Variants in DENND2B observed in about 807,000 individuals in gnomAD.
DENND2B encodes the protein DENN domain-containing protein 2B.
In DENND2B, 32 loss-of-function variants were observed where a neutral mutation model predicts 116.0. The ratio of observed to expected loss-of-function variants is 0.28; its 90% confidence interval spans 0.21 to 0.37. The LOEUF is 0.37. Ranked by LOEUF, DENND2B falls within the 10% of genes least tolerant of loss-of-function variation. The pLI is 1.00. For missense variants in DENND2B, 1,276 were observed against 1,477.7 expected (o/e 0.86, Z 2.24); for synonymous variants, 588 against 583.9 (o/e 1.01, Z -0.10).
At chr11:8,748,338 G>C (rs1475306114) in intron 2 of DENND2B, among the ~76,000 whole-genome samples, 1 of 152,212 alleles carries the variant, frequency 6.6e-6, no homozygotes, top group Non-Finnish European at 1.5e-5. Flanking sequence ...TGGAGAAAGA[G>C]AATGGATCAT....
At chr11:8,870,303 G>A (rs2063731477) in intron 2 of DENND2B, among the ~76,000 whole-genome samples, 2 of 152,164 alleles carry the variant, frequency 1.3e-5, no homozygotes, top group African/African-American at 4.8e-5. Flanking sequence ...ATTGTCTCTT[G>A]AACTCTACTC....
At chr11:8,833,504 T>C (rs1402066652) in intron 4 of DENND2B, among the ~76,000 whole-genome samples, 1 of 152,154 alleles carries the variant, frequency 6.6e-6, no homozygotes, top group Non-Finnish European at 1.5e-5. Context: ...CCTTAATCAG[T>C]TGCTAGCATT....
upstream of DENND2B, chr11:8,811,452 A>G (rs2061369578): frequency 2.5e-6 from 1 of 394,824 alleles, no homozygotes; most frequent in African/African-American, 2.1e-5. Context: ...CTGCCCTGCT[A>G]AGGATCTGCA....
intron 2 of DENND2B, 24 bp downstream of exon 2, chr11:8,750,597 T>C: frequency 6.2e-7 from 1 of 1,605,740 alleles, no homozygotes; most frequent in Non-Finnish European, 8.5e-7. Flanking sequence ...TGATGCCACC[T>C]CCCACAAGTG....
At chr11:8,834,906 C>T (rs1431345978) in intron 4 of DENND2B, among the ~76,000 whole-genome samples, 3 of 152,122 alleles carry the variant, frequency 2.0e-5, no homozygotes, top group African/African-American at 7.2e-5. Flanking sequence ...CAAAACAATA[C>T]CTCTGTAAAT....
At chr11:8,738,555 T>G (rs987139888) in intron 2 of DENND2B, among the ~76,000 whole-genome samples, 4 of 152,182 alleles carry the variant, frequency 2.6e-5, no homozygotes, top group African/African-American at 9.7e-5. Flanking sequence ...GACTATGTCC[T>G]ATCAATTCTA....
chr11:8,734,931 G>A (rs2048745867), intron 2 of DENND2B, among the ~76,000 whole-genome samples: 1 of 149,726 alleles, frequency 6.7e-6, no homozygotes, highest in Non-Finnish European at 1.5e-5. Flanking sequence ...ACAAGGGGCT[G>A]GCTCTTCAGA....
At chr11:8,828,105 A>G (rs1221832008) in intron 4 of DENND2B, among the ~76,000 whole-genome samples, 1 of 152,180 alleles carries the variant, frequency 6.6e-6, no homozygotes, top group African/African-American at 2.4e-5. Flanking sequence ...AACTAAGAGC[A>G]CCATGAAGTT....
intron 4 of DENND2B, among the ~76,000 whole-genome samples, chr11:8,837,339 C>T (rs1337127869): frequency 1.3e-5 from 2 of 150,260 alleles, no homozygotes. Flanking sequence ...GACACCTACT[C>T]AGTTGTTTCC....
chr11:8,756,978 C>T (rs2053718661), intron 1 of DENND2B: 1 of 453,976 alleles, frequency 2.2e-6, no homozygotes, highest in African/African-American at 2.0e-5. Context: ...CTCAAAAACA[C>T]AGCTCTGACA....
chr11:8,750,263 C>T (rs777970271), intron 2 of DENND2B, among the ~76,000 whole-genome samples: 4 of 152,152 alleles, frequency 2.6e-5, no homozygotes, highest in Non-Finnish European at 5.9e-5. Context: ...CCTCTCTACC[C>T]TTAGCCCAAT....
chr11:8,878,894 T>C (rs998142808), intron 2 of DENND2B, among the ~76,000 whole-genome samples: 3 of 152,014 alleles, frequency 2.0e-5, no homozygotes, highest in Admixed American at 6.5e-5. Flanking sequence ...GAGAAAGAAA[T>C]GGGAGGTAAC....
intron 3 of DENND2B, among the ~76,000 whole-genome samples, chr11:8,847,425 C>A (rs1263748581): frequency 6.6e-6 from 1 of 152,062 alleles, no homozygotes; most frequent in East Asian, 1.9e-4. Flanking sequence ...AAAGTGGGAT[C>A]TCAATAGTAT....
At chr11:8,727,066 T>C (rs2047196176) in intron 3 of DENND2B, among the ~76,000 whole-genome samples, 1 of 152,046 alleles carries the variant, frequency 6.6e-6, no homozygotes, top group African/African-American at 2.4e-5. Context: ...TCTCTGCCCC[T>C]CTCCTTCATG....
At chr11:8,792,713 T>C (rs538718310) in intron 1 of DENND2B, among the ~76,000 whole-genome samples, 6 of 152,082 alleles carry the variant, frequency 3.9e-5, no homozygotes, top group Admixed American at 6.6e-5. Flanking sequence ...CTAAATAAAG[T>C]AACAATAAGA....
At position 8,712,730 on chromosome 11, in the gene DENND2B, T is replaced by A. The variant is rs932925333; in HGVS notation, c.1993A>T (p.Thr665Ser). 5 of 1,609,712 alleles carry A rather than the reference T, an allele frequency of 3.1e-6. No homozygotes were observed. In the South Asian group the frequency reaches 5.5e-5, roughly 18 times the overall value. ...SDSDDRFKAH[T>S]QRLVHIQSML... ...GACTGGATGTGGACCAGGCGCTGTG[T>A]GTGGGCTGGAGGCAGGTTGCACATC... Residue 665 changes from threonine (T) to serine (S), a missense_variant, in exon 9 of 20, where the codon ACA becomes TCA. Transcript: ENST00000313726. The surrounding 1 kb of genome is among the most constrained non-coding windows in gnomAD (Gnocchi z 4.4).
rs1394268151 is a variant in DENND2B at position 8,836,444 on chromosome 11, C to T, written c.-115+2866G>A. Among the ~76,000 whole-genome samples the T allele has an allele frequency of 1.8e-4, 21 of 118,386 alleles. No homozygotes were observed. The East Asian group carries it at 3.2e-3, about 18-fold the overall frequency. The allele number at this position is 118,386 out of a possible 152,430, so 77.7% of individuals were successfully genotyped here. A position where few individuals can be genotyped will look rare whatever the true frequency, so the allele number is the denominator to read the frequency against. On this transcript the variant is annotated intron_variant, in intron 4 of 6. Coordinates refer to the DENND2B transcript ENST00000524757. Reference sequence around the variant, plus strand: ...TTTTTTTTTTTTTTTTTTTCTGAGACGGAGTCTTGCTCTGTCGCCCAGGCT... The same window carrying T: ...TTTTTTTTTTTTTTTTTTTCTGAGATGGAGTCTTGCTCTGTCGCCCAGGCT...
chr11:8,695,495 T>G lies in DENND2B; in HGVS notation c.3347A>C (p.Gln1116Pro), dbSNP rs1485307548. The stretch of plus-strand genomic sequence containing the variant: ...TCGGAGAAACTTATTCATTCCACTC[T>G]GCTCAGTGTCTGGGAGTTCTTCTAA... ...QYLEELPDTE[Q>P]SGMNKFLRGL... is the part of the protein sequence containing the mutation. Residue 1116 changes from glutamine to proline, a missense_variant, in exon 19 of 20, where the codon CAG (glutamine) becomes CCG (proline). Transcript: ENST00000313726. 1.2e-6 allele frequency: 2 copies of G among 1,613,898 alleles called. No homozygotes were observed. Among genetic ancestry groups the G allele is most frequent in the Non-Finnish European group, 1.7e-6 (2 of 1,180,042 alleles).
At chr11:8,886,318 T>C (rs1304103310) in intron 1 of DENND2B, among the ~76,000 whole-genome samples, 1 of 152,180 alleles carries the variant, frequency 6.6e-6, no homozygotes, top group African/African-American at 2.4e-5. Flanking sequence ...CTAAAACATA[T>C]CCTTTTTAAT....
Sources: allele counts gnomAD v4.1 joint callset (sites outside exome capture counted in the v4.1 genomes callset), GRCh38; gene constraint gnomAD v4.1.1; non-coding constraint Gnocchi (gnomAD v3.1); transcripts MANE v1.5; gene names NCBI Gene and HGNC (gene_info 2026-07-23, HGNC 2026-07-21).